Variants in HMGCLL1 observed in about 807,000 individuals in gnomAD.
The protein encoded by HMGCLL1 is 3-hydroxymethyl-3-methylglutaryl-CoA lyase, cytoplasmic.
Under a neutral mutation model 39.1 loss-of-function variants are expected in HMGCLL1, and 36 were observed. That is an observed-to-expected ratio of 0.92 (90% CI 0.71 to 1.22). HMGCLL1 has a LOEUF of 1.22. Among genes scored for constraint, HMGCLL1 ranks in the 50% most tolerant of loss-of-function variants. The pLI is 0.00. For missense variants in HMGCLL1, 451 were observed against 416.5 expected (o/e 1.08, Z -0.72); for synonymous variants, 149 against 144.0 (o/e 1.03, Z -0.25).
chr6:55,642,615 C>T, the HMGCLL1 span, among the ~76,000 whole-genome samples: 1 of 151,934 alleles, frequency 6.6e-6, no homozygotes, highest in Admixed American at 6.6e-5. Flanking sequence ...TCCAATTATA[C>T]CTTTTAGTTG....
intron 7 of HMGCLL1, among the ~76,000 whole-genome samples, chr6:55,488,022 T>C (rs1766127612): frequency 6.6e-6 from 1 of 152,028 alleles, no homozygotes; most frequent in Non-Finnish European, 1.5e-5. Flanking sequence ...ATTAGGTATA[T>C]GCATACATAC....
chr6:55,488,431 G>C (rs1006135169), intron 7 of HMGCLL1, among the ~76,000 whole-genome samples: 1 of 151,990 alleles, frequency 6.6e-6, no homozygotes, highest in Non-Finnish European at 1.5e-5. Flanking sequence ...TGAGGAAAAG[G>C]ATGATGCTTC....
At chr6:55,523,954 C>A (rs1768174075) in intron 3 of HMGCLL1, among the ~76,000 whole-genome samples, 1 of 151,890 alleles carries the variant, frequency 6.6e-6, no homozygotes, top group Non-Finnish European at 1.5e-5. Flanking sequence ...GTGCATGTTT[C>A]TATTTTTAAT....
chr6:55,456,011 T>C (rs1764306188), intron 7 of HMGCLL1, among the ~76,000 whole-genome samples: 1 of 152,208 alleles, frequency 6.6e-6, no homozygotes, highest in South Asian at 2.1e-4. Context: ...TTGTGATAGG[T>C]TCATTCCCTT....
At position 55,545,037 on chromosome 6, in the gene HMGCLL1, C is replaced by G. The variant is rs551229054; in HGVS notation, c.109-2897G>C. 2.0e-5 allele frequency among the ~76,000 whole-genome samples: 3 copies of G among 152,120 alleles called. No individual in the cohort carries two copies. In the South Asian group the frequency reaches 6.2e-4, roughly 32 times the overall value. On this transcript the variant is annotated intron_variant, in intron 1 of 8. Transcript: ENST00000274901. ...AAGTAAATAAGAAAAGCTCACTCTT[C>G]TTTCTTATTACCTCTAGTCTTCAGT...
chr6:55,450,399 A>G (rs1764029913), intron 7 of HMGCLL1, among the ~76,000 whole-genome samples: 1 of 152,232 alleles, frequency 6.6e-6, no homozygotes, highest in Non-Finnish European at 1.5e-5. Context: ...CTGTTGTGCC[A>G]TTTTAACTGT....
chr6:55,647,672 T>C, the HMGCLL1 span, among the ~76,000 whole-genome samples: 1 of 150,778 alleles, frequency 6.6e-6, no homozygotes, highest in Non-Finnish European at 1.5e-5. Flanking sequence ...AGGAAACTAA[T>C]AAAAATTCTA....
intron 1 of HMGCLL1, among the ~76,000 whole-genome samples, chr6:55,559,443 T>C (rs968688820): frequency 2.0e-5 from 3 of 152,178 alleles, no homozygotes; most frequent in Non-Finnish European, 2.9e-5. Context: ...TTGAAGTTAT[T>C]TCTGGACAAT....
the HMGCLL1 span, among the ~76,000 whole-genome samples, chr6:55,666,775 T>G: frequency 4.6e-5 from 7 of 151,816 alleles, no homozygotes; most frequent in Middle Eastern, 3.4e-3. Flanking sequence ...TTTAGAAAGC[T>G]GCACCAGTTA....
chr6:55,637,743 T>C, the HMGCLL1 span, among the ~76,000 whole-genome samples: 24 of 151,620 alleles, frequency 1.6e-4, no homozygotes, highest in East Asian at 1.6e-3. Context: ...TGTGTGTATG[T>C]GTCTGTGTGT....
the HMGCLL1 span, among the ~76,000 whole-genome samples, chr6:55,676,930 G>A: frequency 1.1e-4 from 17 of 152,198 alleles, no homozygotes; most frequent in Non-Finnish European, 2.2e-4. Flanking sequence ...GGCACTTGGG[G>A]CCTATTTATT....
At chr6:55,604,974 T>C in the HMGCLL1 span, among the ~76,000 whole-genome samples, 1 of 152,202 alleles carries the variant, frequency 6.6e-6, no homozygotes, top group Non-Finnish European at 1.5e-5. Context: ...TTTACATTAT[T>C]TTATTTGTTG....
the HMGCLL1 span, among the ~76,000 whole-genome samples, chr6:55,613,511 A>C: frequency 3.9e-5 from 6 of 152,176 alleles, no homozygotes; most frequent in Non-Finnish European, 7.3e-5. Context: ...TTATTGCAGC[A>C]CTATTCTCAA....
intron 1 of HMGCLL1, among the ~76,000 whole-genome samples, chr6:55,548,463 C>A (rs2127462976): frequency 6.6e-6 from 1 of 151,914 alleles, no homozygotes; most frequent in Middle Eastern, 3.4e-3. Flanking sequence ...TACAAAAAAG[C>A]AAAAGAAAAT....
chr6:55,482,406 C>T (rs1390282706), intron 7 of HMGCLL1, among the ~76,000 whole-genome samples: 1 of 151,972 alleles, frequency 6.6e-6, no homozygotes, highest in East Asian at 1.9e-4. Context: ...GTGGATTCAG[C>T]CATGGATATT....
In HMGCLL1 at chr6:55,485,752, C is replaced by A. The variant is rs142586192; in HGVS notation, c.795+9667G>T. On this transcript the variant is annotated intron_variant, in intron 7 of 8. Transcript: ENST00000274901. ...AGAAATTAAAATGGCATATCAAATG[C>A]AAATCGAGTTGGCATACATTTTATA... is the stretch of plus-strand genomic sequence containing the variant. Among the ~76,000 whole-genome samples the A allele has an allele frequency of 4.0e-3, 604 of 151,868 alleles. 7 individuals carry two copies. The highest frequency in any genetic ancestry group is 0.014 in the African/African-American group (567 of 41,442).
the HMGCLL1 span, among the ~76,000 whole-genome samples, chr6:55,647,745 C>CTT: frequency 0.017 from 2,002 of 115,838 alleles, 73 homozygotes; most frequent in African/African-American, 0.066. Flanking sequence ...TTTTTTTTTC[C>CTT]TTTTTTTTTT....
the HMGCLL1 span, among the ~76,000 whole-genome samples, chr6:55,655,168 C>G: frequency 1.3e-5 from 2 of 151,930 alleles, no homozygotes; most frequent in African/African-American, 2.4e-5. Flanking sequence ...TATTTTCAAC[C>G]TACTCTACTT....
chr6:55,476,054 G>C (rs1765270767), intron 7 of HMGCLL1, among the ~76,000 whole-genome samples: 1 of 150,386 alleles, frequency 6.6e-6, no homozygotes, highest in African/African-American at 2.5e-5. Flanking sequence ...CGATTGCCTT[G>C]GCTATTGTAG....
Sources: gnomAD v4.1 joint callset for allele counts (sites outside exome capture counted in the v4.1 genomes callset) on GRCh38, gnomAD v4.1.1 for gene constraint, MANE v1.5 for transcripts, NCBI Gene and HGNC (gene_info 2026-07-23, HGNC 2026-07-21) for gene names.